CHST9: variants seen among roughly 807,000 people sequenced by gnomAD.
The protein encoded by CHST9 is carbohydrate sulfotransferase 9.
Under a neutral mutation model 44.4 loss-of-function variants are expected in CHST9, and 41 were observed. The ratio of observed to expected loss-of-function variants is 0.92; its 90% CI spans 0.72 to 1.20. CHST9 has a LOEUF of 1.20. Ranked by LOEUF, CHST9 falls within the 50% of genes most tolerant of loss-of-function variation. The pLI is 0.00. For synonymous variants in CHST9, 171 were observed against 178.4 expected (o/e 0.96, Z 0.33); for missense variants, 504 against 516.5 (o/e 0.98, Z 0.23).
intron 1 of CHST9, among the ~76,000 whole-genome samples, chr18:27,162,393 T>C (rs1308105219): frequency 6.6e-6 from 1 of 152,070 alleles, no homozygotes; most frequent in Non-Finnish European, 1.5e-5. Context: ...GATATGAAAT[T>C]CTGGGTTGAA....
chr18:26,971,929 G>T (rs2056549324), intron 4 of CHST9, among the ~76,000 whole-genome samples: 1 of 152,126 alleles, frequency 6.6e-6, no homozygotes. Context: ...ATAAGTAATA[G>T]ACACGATAGG....
chr18:26,951,909 T>G (rs752256711), intron 4 of CHST9, among the ~76,000 whole-genome samples: 51 of 152,134 alleles, frequency 3.4e-4, no homozygotes, highest in Admixed American at 7.9e-4. Context: ...AAGATCTTGG[T>G]GAAGTGCATG....
chr18:27,055,192 G>C (rs1003996493), intron 2 of CHST9, among the ~76,000 whole-genome samples: 3 of 152,058 alleles, frequency 2.0e-5, no homozygotes, highest in African/African-American at 7.2e-5. Context: ...AGAAGGCATA[G>C]AATCATGACA....
At chr18:27,039,861 A>G (rs572006249) in intron 3 of CHST9, among the ~76,000 whole-genome samples, 1 of 152,286 alleles carries the variant, frequency 6.6e-6, no homozygotes, top group African/African-American at 2.4e-5. Context: ...CAAGAAAGCT[A>G]GCAGATTAGG....
At chr18:27,050,895 G>T (rs1304951145) in intron 2 of CHST9, among the ~76,000 whole-genome samples, 2 of 152,156 alleles carry the variant, frequency 1.3e-5, no homozygotes, top group Non-Finnish European at 2.9e-5. Flanking sequence ...ACTTTTTGGA[G>T]TGTCTTTAAC....
chr18:27,125,461 A>G (rs541082136), intron 2 of CHST9, among the ~76,000 whole-genome samples: 2 of 152,350 alleles, frequency 1.3e-5, no homozygotes, highest in African/African-American at 4.8e-5. Flanking sequence ...CTGGGCTCAG[A>G]ACACAGCCCC....
intron 1 of CHST9, among the ~76,000 whole-genome samples, chr18:27,145,054 T>C (rs1339842117): frequency 6.6e-6 from 1 of 152,098 alleles, no homozygotes; most frequent in Non-Finnish European, 1.5e-5. Flanking sequence ...GAATTCAGAA[T>C]TAGAAGTGAA....
At chr18:27,010,055 C>T (rs1250364811) in intron 4 of CHST9, among the ~76,000 whole-genome samples, 3 of 152,218 alleles carry the variant, frequency 2.0e-5, no homozygotes, top group Non-Finnish European at 2.9e-5. Context: ...AAGTCTTAGA[C>T]TGCAATATTT....
chr18:27,043,463 A>G (rs1286914234), intron 3 of CHST9, among the ~76,000 whole-genome samples: 1 of 152,048 alleles, frequency 6.6e-6, no homozygotes, highest in Non-Finnish European at 1.5e-5. Flanking sequence ...TATTCCCTAC[A>G]CAGGTTGCAG....
intron 5 of CHST9, among the ~76,000 whole-genome samples, chr18:26,920,238 AC>A (rs1419028817): frequency 6.6e-6 from 1 of 152,054 alleles, no homozygotes; most frequent in Non-Finnish European, 1.5e-5. Flanking sequence ...CTCTTGTCTC[AC>A]CTTCCAGTTC....
At chr18:27,184,052 G>A (rs1482192015) in intron 1 of CHST9, among the ~76,000 whole-genome samples, 1 of 152,082 alleles carries the variant, frequency 6.6e-6, no homozygotes, top group Non-Finnish European at 1.5e-5. Context: ...GCAATTCTGA[G>A]GTTAAAGCGA....
At chr18:26,950,314 T>A (rs919511452) in intron 4 of CHST9, among the ~76,000 whole-genome samples, 8 of 152,148 alleles carry the variant, frequency 5.3e-5, no homozygotes, top group South Asian at 2.1e-4. Context: ...TTGTCCAAAT[T>A]TTCATGGTCT....
chr18:26,998,734 AACAAC>A (rs937499094), intron 4 of CHST9, among the ~76,000 whole-genome samples: 7 of 124,184 alleles, frequency 5.6e-5, no homozygotes, highest in African/African-American at 2.3e-4. Context: ...ACAAAACAAC[AACAAC>A]AAAAAAAAAA....
At chr18:27,043,457 C>T (rs2057467149) in intron 3 of CHST9, among the ~76,000 whole-genome samples, 1 of 151,966 alleles carries the variant, frequency 6.6e-6, no homozygotes, top group East Asian at 1.9e-4. Context: ...TCCCCGTATT[C>T]CCTACACAGG....
At chr18:27,108,537 G>A (rs1228001045) in intron 2 of CHST9, among the ~76,000 whole-genome samples, 1 of 152,144 alleles carries the variant, frequency 6.6e-6, no homozygotes, top group Non-Finnish European at 1.5e-5. Context: ...CTGAAAGATA[G>A]ATTAGGGGCA....
chr18:27,158,557 A>G (rs904765830), intron 1 of CHST9, among the ~76,000 whole-genome samples: 1 of 151,992 alleles, frequency 6.6e-6, no homozygotes, highest in African/African-American at 2.4e-5. Flanking sequence ...TAGTGCCACA[A>G]TAAACATATG....
At chr18:27,017,844 GA>G (rs2057173159) in intron 4 of CHST9, among the ~76,000 whole-genome samples, 1 of 152,034 alleles carries the variant, frequency 6.6e-6, no homozygotes, top group African/African-American at 2.4e-5. Flanking sequence ...TTGTATTACT[GA>G]ACACTGTTTG....
chr18:26,961,991 G>C (rs545521991), intron 4 of CHST9, among the ~76,000 whole-genome samples: 42 of 152,276 alleles, frequency 2.8e-4, no homozygotes, highest in Non-Finnish European at 5.7e-4. Flanking sequence ...CAGTCTGGCA[G>C]GGAGACACAC....
At chr18:27,172,832 T>C (rs554889765) in intron 1 of CHST9, among the ~76,000 whole-genome samples, 43 of 152,142 alleles carry the variant, frequency 2.8e-4, no homozygotes, top group African/African-American at 1.0e-3. Flanking sequence ...GTTTATTATA[T>C]TGTACATTAA....
Sources: allele counts gnomAD v4.1 joint callset (sites outside exome capture counted in the v4.1 genomes callset), GRCh38; gene constraint gnomAD v4.1.1; transcripts MANE v1.5; gene names NCBI Gene and HGNC (gene_info 2026-07-23, HGNC 2026-07-21).